The following CCDC171 variants were observed in gnomAD, a reference collection of about 807,000 sequenced individuals.
CCDC171 encodes coiled-coil domain containing 171.
A neutral mutation model predicts 168.2 loss-of-function variants in CCDC171; 177 were observed. That is an observed-to-expected ratio of 1.05 (90% confidence interval 0.93 to 1.19). CCDC171 has a LOEUF of 1.19. CCDC171 is among the 50% of genes most tolerant of loss of function. CCDC171 has a pLI of 0.00. For missense variants in CCDC171, 1,991 were observed against 1,539.0 expected (o/e 1.29, Z -4.91); for synonymous variants, 687 against 540.8 (o/e 1.27, Z -3.75).
chr9:16,059,837 G>A (rs868024399), intron 1 of CCDC171, among the ~76,000 whole-genome samples: 2 of 151,038 alleles, frequency 1.3e-5, no homozygotes, highest in South Asian at 4.2e-4. Context: ...TAACACACCC[G>A]ACTTATTAAA....
intron 21 of CCDC171, among the ~76,000 whole-genome samples, chr9:15,814,237 A>G (rs776140945): frequency 6.6e-6 from 1 of 152,150 alleles, no homozygotes; most frequent in Non-Finnish European, 1.5e-5. Flanking sequence ...AATCCATTCC[A>G]TTGTCCCAAA....
intron 9 of CCDC171, among the ~76,000 whole-genome samples, chr9:15,678,189 G>A (rs2049777820): frequency 6.6e-6 from 1 of 151,672 alleles, no homozygotes; most frequent in African/African-American, 2.4e-5. Flanking sequence ...GGGATTACAG[G>A]TGTGAGCTGC....
intron 7 of CCDC171, among the ~76,000 whole-genome samples, chr9:15,627,908 A>G (rs2045306341): frequency 6.6e-6 from 1 of 152,166 alleles, no homozygotes; most frequent in Non-Finnish European, 1.5e-5. Context: ...TCTAATGTTG[A>G]CAGTGGGGTG....
intron 23 of CCDC171, among the ~76,000 whole-genome samples, chr9:15,856,013 C>G (rs950927779): frequency 6.6e-6 from 1 of 151,790 alleles, no homozygotes; most frequent in African/African-American, 2.4e-5. Flanking sequence ...TGCTGGTGTT[C>G]CTTATTTTTT....
chr9:16,057,240 A>G (rs1306915782), intron 1 of CCDC171, among the ~76,000 whole-genome samples: 1 of 152,214 alleles, frequency 6.6e-6, no homozygotes, highest in Non-Finnish European at 1.5e-5. Context: ...GATAAGAACC[A>G]TGAAGGTTCA....
chr9:16,099,576 G>A, the CCDC171 span, among the ~76,000 whole-genome samples: 3 of 152,184 alleles, frequency 2.0e-5, no homozygotes, highest in African/African-American at 7.2e-5. Flanking sequence ...AGCGACTTCT[G>A]AAACAAGTCT....
chr9:15,655,869 A>G (rs903923952), intron 7 of CCDC171, among the ~76,000 whole-genome samples: 2 of 152,224 alleles, frequency 1.3e-5, no homozygotes, highest in African/African-American at 4.8e-5. Flanking sequence ...TAACCACTAC[A>G]TGCCTATTTG....
At chr9:15,813,288 G>A (rs573313222) in intron 21 of CCDC171, among the ~76,000 whole-genome samples, 3 of 152,334 alleles carry the variant, frequency 2.0e-5, no homozygotes, top group African/African-American at 7.2e-5. Flanking sequence ...GACAAGTAAG[G>A]TGACTTTGGA....
chr9:15,876,429 G>T (rs905352881), intron 24 of CCDC171, among the ~76,000 whole-genome samples: 1 of 151,844 alleles, frequency 6.6e-6, no homozygotes, highest in African/African-American at 2.4e-5. Flanking sequence ...CAAATAAATG[G>T]CACTATCTCC....
At chr9:15,725,566 C>A (rs922115392) in intron 14 of CCDC171, among the ~76,000 whole-genome samples, 10 of 152,262 alleles carry the variant, frequency 6.6e-5, no homozygotes, top group African/African-American at 1.2e-4. Context: ...TCTCCTGCCC[C>A]AGCCTCCTGA....
intron 23 of CCDC171, among the ~76,000 whole-genome samples, chr9:15,864,847 G>A (rs1268807407): frequency 6.6e-6 from 1 of 151,972 alleles, no homozygotes; most frequent in Non-Finnish European, 1.5e-5. Context: ...TGAAGAAGAA[G>A]CTAATAATTT....
rs796547050 is a variant in CCDC171 at position 15,593,945 on chromosome 9, A to G, written c.544-96A>G. 10 of 754,910 alleles carry G rather than the reference A, an allele frequency of 1.3e-5. No individual in the cohort carries two copies. In the African/African-American group the frequency reaches 1.8e-4, roughly 14 times the overall value. 46.8% of individuals were successfully genotyped at this position (754,910 alleles called of 1,614,324 possible). ...TGAATTATGATGAGTTTTAACATCTATAGGTAAGGAGAGCCTCTTTGTACA... is the reference window on the plus strand; with the variant it reads ...TGAATTATGATGAGTTTTAACATCTGTAGGTAAGGAGAGCCTCTTTGTACA... On this transcript the variant is annotated intron_variant, in intron 5 of 25. Transcript: ENST00000380701.
chr9:15,713,918 A>G (rs1468130709), intron 11 of CCDC171, among the ~76,000 whole-genome samples: 2 of 151,644 alleles, frequency 1.3e-5, no homozygotes, highest in Non-Finnish European at 2.9e-5. Flanking sequence ...TAGGGCGGCA[A>G]CAAAGGTACA....
chr9:16,060,764 C>T (rs772140224), exon 2 of CCDC171: 1 of 152,210 alleles, frequency 6.6e-6, no homozygotes, highest in Non-Finnish European at 1.5e-5. Flanking sequence ...TTTCTAGTTA[C>T]AAGAACAGCA....
chr9:15,799,277 C>G (rs917127299), intron 21 of CCDC171, among the ~76,000 whole-genome samples: 2 of 150,044 alleles, frequency 1.3e-5, no homozygotes, highest in East Asian at 2.0e-4. Flanking sequence ...TCTTTATTTT[C>G]GAAAGGTGTT....
intron 3 of CCDC171, among the ~76,000 whole-genome samples, chr9:15,995,549 T>G (rs1300554433): frequency 2.0e-5 from 3 of 152,204 alleles, no homozygotes; most frequent in African/African-American, 7.2e-5. Flanking sequence ...ATCCTTAATT[T>G]CTGTAGGAGC....
At chr9:15,880,695 C>G (rs138434677) in intron 24 of CCDC171, among the ~76,000 whole-genome samples, 1 of 147,992 alleles carries the variant, frequency 6.8e-6, no homozygotes, top group Non-Finnish European at 1.5e-5. Context: ...AGGCTGGTCT[C>G]GAACTCCTGA....
chr9:15,850,953 T>A (rs2061100655), intron 23 of CCDC171, among the ~76,000 whole-genome samples: 1 of 152,004 alleles, frequency 6.6e-6, no homozygotes, highest in Non-Finnish European at 1.5e-5. Context: ...TTCTTACTGT[T>A]TTAAACACGT....
the CCDC171 span, among the ~76,000 whole-genome samples, chr9:16,073,390 A>G: frequency 8.5e-5 from 13 of 152,278 alleles, no homozygotes; most frequent in South Asian, 2.1e-3. Flanking sequence ...AAGAGCTCTT[A>G]CTTATTTGCT....
Sources: gnomAD v4.1 joint callset for allele counts (sites outside exome capture counted in the v4.1 genomes callset) on GRCh38, gnomAD v4.1.1 for gene constraint, MANE v1.5 for transcripts, NCBI Gene and HGNC (gene_info 2026-07-23, HGNC 2026-07-21) for gene names.